Variants in ZKSCAN7 observed in about 807,000 individuals in gnomAD.
ZKSCAN7 encodes zinc finger protein with KRAB and SCAN domains 7.
In ZKSCAN7, 38 loss-of-function variants were observed where a neutral mutation model predicts 65.3. That is an observed-to-expected ratio of 0.58 (90% confidence interval 0.45 to 0.76). The LOEUF (loss-of-function observed/expected upper bound fraction) is 0.76. ZKSCAN7 is among the 30% of genes least tolerant of loss of function. The pLI is 0.00. For missense variants in ZKSCAN7, 815 were observed against 913.3 expected, an observed-to-expected ratio of 0.89 and a Z score of 1.39; for synonymous variants, 321 against 321.0, an observed-to-expected ratio of 1.00 and a Z score of 0.00.
downstream of ZKSCAN7, among the ~76,000 whole-genome samples, chr3:44,574,682 C>A (rs368755527): frequency 2.0e-5 from 3 of 152,308 alleles, no homozygotes; most frequent in African/African-American, 7.2e-5. Context: ...GTAATCCCAG[C>A]ACTTTGGGAG....
chr3:44,558,781 C>CTTTTTTTTTTTTTTTTTTTTTTTT, intron 2 of ZKSCAN7, among the ~76,000 whole-genome samples: 1 of 74,340 alleles, frequency 1.3e-5, no homozygotes, highest in Non-Finnish European at 2.6e-5. Context: ...CTTTCTTCTT[C>CTTTTTTTTTTTTTTTTTTTTTTTT]ATTTTTTTTT....
intron 2 of ZKSCAN7, chr3:44,557,687 T>C: frequency 3.1e-6 from 2 of 639,434 alleles, no homozygotes; most frequent in South Asian, 4.3e-5. Context: ...AAATACTGTG[T>C]TCTGAGCCTA....
intron 5 of ZKSCAN7, among the ~76,000 whole-genome samples, chr3:44,579,161 CT>C (rs1399043974): frequency 6.6e-6 from 1 of 152,268 alleles, no homozygotes; most frequent in Non-Finnish European, 1.5e-5. Context: ...CTTGAGGTCG[CT>C]CACAGGCAGC....
At chr3:44,558,244 G>T (rs1699357489) in intron 2 of ZKSCAN7, among the ~76,000 whole-genome samples, 1 of 152,016 alleles carries the variant, frequency 6.6e-6, no homozygotes, top group South Asian at 2.1e-4. Context: ...TTTATTGGTG[G>T]CTGGGCATGG....
intron 5 of ZKSCAN7, among the ~76,000 whole-genome samples, chr3:44,577,394 C>T (rs192585413): frequency 2.0e-5 from 3 of 151,906 alleles, no homozygotes; most frequent in Non-Finnish European, 4.4e-5. Context: ...GGAACAAATA[C>T]AAAATGCTGT....
At chr3:44,577,924 C>T (rs1253163347) in intron 5 of ZKSCAN7, among the ~76,000 whole-genome samples, 10 of 152,172 alleles carry the variant, frequency 6.6e-5, no homozygotes, top group Admixed American at 1.3e-4. Context: ...CACACCTAGT[C>T]TTTCTTCAAG....
At chr3:44,580,491 G>T (rs542488789) in intron 5 of ZKSCAN7, 1 of 1,587,708 alleles carries the variant, frequency 6.3e-7, no homozygotes, top group East Asian at 2.2e-5. Flanking sequence ...GCTGCTGCTG[G>T]TGGTAACAGC....
In ZKSCAN7 at chr3:44,570,556, C is replaced by T; in HGVS notation, c.1446C>T (p.Leu482=). 5.6e-6 allele frequency: 9 copies of T among 1,612,482 alleles called. No homozygotes were observed. Among genetic ancestry groups the T allele is most frequent in the Non-Finnish European group, 7.6e-6 (9 of 1,178,600 alleles). The change falls in exon 6 of 6, where the codon CTC becomes CTT. Residue 482 remains leucine (L), a synonymous_variant. Coordinates refer to ENST00000426540, the MANE Select transcript of ZKSCAN7 (RefSeq NM_001288590.2). The part of the protein sequence containing the change: ...CAKAFTQSSR[L]TDHQRTHTGE... ...AAGCCTTTACTCAGAGTTCCCGACTCACTGACCACCAGAGAACCCATACTG... is the reference window on the plus strand; with the variant it reads ...AAGCCTTTACTCAGAGTTCCCGACTTACTGACCACCAGAGAACCCATACTG...
chr3:44,568,230 C>A, intron 4 of ZKSCAN7, 77 bp from the exon 5 acceptor site: 2 of 1,573,436 alleles, frequency 1.3e-6, no homozygotes, highest in Non-Finnish European at 1.7e-6. Flanking sequence ...AGCCCATACC[C>A]TGTGCCCTTC....
rs1699332134 is a variant in ZKSCAN7 at position 44,557,435 on chromosome 3, G to C, written c.388G>C (p.Glu130Gln). 3 of 1,614,114 alleles carry C rather than the reference G, an allele frequency of 1.9e-6. No individual in the cohort carries two copies. The highest frequency in any genetic ancestry group is 2.5e-6 in the Non-Finnish European group (3 of 1,180,048). ...ESGEEAVAVVEDFQRHLSGSE... is the reference protein window; with the variant it reads ...ESGEEAVAVVQDFQRHLSGSE... ...TGGTGAGGAGGCTGTGGCTGTGGTG[G>C]AGGATTTCCAGAGACACCTCAGTGG... Residue 130 changes from glutamate to glutamine, a missense_variant, in exon 2 of 6, where the codon GAG becomes CAG. Physicochemically the swap from Glu to Gln is conservative, Grantham distance 29. Transcript: ENST00000426540.
intron 5 of ZKSCAN7, 36 bp downstream of exon 5, chr3:44,568,469 A>C (rs571724733): frequency 6.3e-7 from 1 of 1,593,418 alleles, no homozygotes; most frequent in Non-Finnish European, 8.5e-7. Flanking sequence ...TAAAGTCTGC[A>C]TGCTGCACAA....
At chr3:44,581,793 A>G (rs574429537) in intron 5 of ZKSCAN7, among the ~76,000 whole-genome samples, 1 of 152,254 alleles carries the variant, frequency 6.6e-6, no homozygotes, top group South Asian at 2.1e-4. Flanking sequence ...CTACAGCCAA[A>G]CCCTTATCAT....
At chr3:44,563,701 A>G (rs1175395072) in intron 2 of ZKSCAN7, among the ~76,000 whole-genome samples, 1 of 151,230 alleles carries the variant, frequency 6.6e-6, no homozygotes, top group Non-Finnish European at 1.5e-5. Context: ...CCCTCCTCCA[A>G]TTCAACATGA....
intron 5 of ZKSCAN7, 77 bp from the exon 6 acceptor site, chr3:44,569,845 A>G (rs1330512726): frequency 1.5e-5 from 22 of 1,455,816 alleles, no homozygotes; most frequent in Non-Finnish European, 1.9e-5. Flanking sequence ...TTTTTCAGGT[A>G]TGTTAGCTCT....
At position 44,570,257 on chromosome 3, in the gene ZKSCAN7, T is replaced by C; in HGVS notation, c.1147T>C (p.Tyr383His). ...HEGVLKGQKS[Y>H]RCDECGKAFN... ...AGGAGTTTTAAAGGGACAGAAATCC[T>C]ATCGATGTGATGAATGTGGCAAAGC... Residue 383 changes from tyrosine to histidine, a missense_variant, in exon 6 of 6, where the codon TAT becomes CAT. By Grantham distance (83) the Tyr-to-His change is moderately conservative (BLOSUM62 2). This residue lies in a region of ZKSCAN7 where 578 missense variants were observed against 629.5 expected (regional missense o/e 0.92). Transcript: ENST00000426540. 6.2e-7 allele frequency: 1 copy of C among 1,614,238 alleles called. No homozygotes were observed. Among genetic ancestry groups the C allele is most frequent in the Non-Finnish European group, 8.5e-7 (1 of 1,180,046 alleles).
At chr3:44,578,238 C>A in intron 5 of ZKSCAN7, 1 of 1,548,458 alleles carries the variant, frequency 6.5e-7, no homozygotes. Flanking sequence ...TACTTCTTGT[C>A]CCACAGTGCT....
rs780474482 is a variant in ZKSCAN7 at position 44,570,522 on chromosome 3, A to C, written c.1412A>C (p.Glu471Ala). ...HNGEKPYKCN[E>A]CAKAFTQSSR... ...GGGGAGAAACCCTATAAATGTAATGAATGTGCAAAAGCCTTTACTCAGAGT... is the reference window on the plus strand; with the variant it reads ...GGGGAGAAACCCTATAAATGTAATGCATGTGCAAAAGCCTTTACTCAGAGT... The change falls in exon 6 of 6, where the codon GAA becomes GCA. Residue 471 changes from glutamate to alanine, a missense_variant. Around this residue, in one of 3 missense-constraint regions of ZKSCAN7, gnomAD observed 578 missense variants for 629.5 expected, o/e 0.92. Coordinates refer to ENST00000426540, the MANE Select transcript of ZKSCAN7 (RefSeq NM_001288590.2). 1.2e-6 allele frequency: 2 copies of C among 1,612,540 alleles called. No individual in the cohort carries two copies. The highest frequency in any genetic ancestry group is 1.7e-6 in the Non-Finnish European group (2 of 1,178,614).
chr3:44,573,571 T>A (rs1043482829), downstream of ZKSCAN7, among the ~76,000 whole-genome samples: 3 of 152,342 alleles, frequency 2.0e-5, no homozygotes, highest in Admixed American at 2.0e-4. Context: ...TTTTCAACTT[T>A]ATATTTAGTA....
At chr3:44,580,889 A>G in intron 5 of ZKSCAN7, 1 of 1,613,702 alleles carries the variant, frequency 6.2e-7, no homozygotes. Context: ...GCCAACCGCC[A>G]TAAATGGGTT....
Sources: gnomAD v4.1 joint callset for allele counts (sites outside exome capture counted in the v4.1 genomes callset) on GRCh38, gnomAD v4.1.1 for gene constraint, gnomAD v4.1.1 regional missense constraint, MANE v1.5 for transcripts, NCBI Gene and HGNC (gene_info 2026-07-23, HGNC 2026-07-21) for gene names.